The following ATP2A1 variants were observed in gnomAD, a reference collection of about 807,000 sequenced individuals.
ATP2A1 encodes the protein ATPase sarcoplasmic/endoplasmic reticulum Ca2+ transporting 1.
A neutral mutation model predicts 109.5 loss-of-function variants in ATP2A1; 83 were observed. That is an observed-to-expected ratio of 0.76 (90% CI 0.63 to 0.91). ATP2A1 has a LOEUF of 0.91. Among genes scored for constraint, ATP2A1 ranks in the 40% least tolerant of loss-of-function variants. ATP2A1 has a pLI of 0.00. For synonymous variants in ATP2A1, 505 were observed against 537.6 expected (o/e 0.94, Z 0.84); for missense variants, 1,101 against 1,341.0 (o/e 0.82, Z 2.80).
chr16:28,904,147 C>T (rs1372617886), intron 22 of ATP2A1, 33 bp from the exon 23 acceptor site: 9 of 1,586,480 alleles, frequency 5.7e-6, no homozygotes, highest in African/African-American at 1.4e-5. Flanking sequence ...GCCCTCCTGC[C>T]GCCTGCCTCA....
rs958773555 is a variant in ATP2A1, at chr16:28,883,455, G to A, written c.463+866G>A. ...GCTTGGGTGACAGGGTGTCCCGCCC[G>A]ACTCTATCCCGACCTCCCTCCTCCC... On this transcript the variant is annotated intron_variant, in intron 5 of 22. Transcript: ENST00000395503. This position sits in a 1 kb window ranked among gnomAD's most constrained non-coding sequence, Gnocchi z 5.2. Among the ~76,000 whole-genome samples the A allele has an allele frequency of 1.3e-5, 2 of 152,044 alleles. No individual in the cohort carries two copies. The highest frequency in any genetic ancestry group is 2.4e-5 in the African/African-American group (1 of 41,386).
Position 28,900,626 on chromosome 16 carries a change from C to A in ATP2A1, c.1810C>A (p.Arg604Ser). 6.3e-7 allele frequency: 1 copy of A among 1,594,258 alleles called. No individual in the cohort carries two copies. Among genetic ancestry groups the A allele is most frequent in the Non-Finnish European group, 8.6e-7 (1 of 1,167,734 alleles). Residue 604 changes from arginine (R) to serine (S), a missense_variant, in exon 15 of 23, where the codon CGC (arginine) becomes AGC (serine). Transcript: ENST00000395503. ...VGVVGMLDPP[R>S]KEVTGSIQLC... ...TGTAGTGGGCATGCTGGACCCTCCG[C>A]GCAAGGAGGTCACGGGCTCCATCCA...
chr16:28,892,283 C>T (rs1174926892), intron 9 of ATP2A1: 1 of 249,454 alleles, frequency 4.0e-6, no homozygotes, highest in Non-Finnish European at 8.5e-6. Flanking sequence ...TCGTTTTTTT[C>T]TTGGCTATCT....
chr16:28,879,060 C>A, intron 1 of ATP2A1, 39 bp from the exon 2 acceptor site: 2 of 1,613,980 alleles, frequency 1.2e-6, no homozygotes, highest in Non-Finnish European at 1.7e-6. Flanking sequence ...GAGGCTGAAC[C>A]CCAAATGAAT....
intron 14 of ATP2A1, among the ~76,000 whole-genome samples, chr16:28,899,713 C>G (rs1223416053): frequency 7.3e-6 from 1 of 136,584 alleles, no homozygotes; most frequent in Non-Finnish European, 1.5e-5. Context: ...ATAATGCCAG[C>G]ACTTTGGGAG....
intron 12 of ATP2A1, among the ~76,000 whole-genome samples, chr16:28,897,204 A>G (rs1419950566): frequency 6.6e-6 from 1 of 152,206 alleles, no homozygotes; most frequent in Non-Finnish European, 1.5e-5. Flanking sequence ...ATCATTACTA[A>G]AAGTTATAGG....
chr16:28,881,340 G>A (rs986630988), intron 4 of ATP2A1: 13 of 427,074 alleles, frequency 3.0e-5, no homozygotes, highest in South Asian at 2.3e-4. Flanking sequence ...TTCAATAGAC[G>A]CTAGCTTGAT....
chr16:28,896,663 G>A (rs1247807035), intron 12 of ATP2A1, among the ~76,000 whole-genome samples: 4 of 151,206 alleles, frequency 2.6e-5, no homozygotes, highest in African/African-American at 4.9e-5. Context: ...TGCCTGCCTC[G>A]GCCTCCCAAA....
rs771588122 is a variant in ATP2A1 at position 28,903,375 on chromosome 16, A to G, written c.2915A>G (p.Lys972Arg). 1.2e-6 allele frequency: 2 copies of G among 1,613,878 alleles called. No individual in the cohort carries two copies. Among genetic ancestry groups the G allele is most frequent in the East Asian group, 2.2e-5 (1 of 44,870 alleles). The change falls in exon 21 of 23, where the codon AAG (lysine) becomes AGG (arginine). Residue 972 changes from lysine to arginine, a missense_variant. Lys to Arg is a conservative substitution (Grantham distance 26, BLOSUM62 2). Coordinates refer to ENST00000395503, the MANE Select transcript of ATP2A1 (RefSeq NM_004320.6). This position sits in a 1 kb window ranked among gnomAD's most constrained non-coding sequence, Gnocchi z 5.6. Reference protein sequence around the residue: ...LDLTQWLMVLKISLPVIGLDE... With the variant: ...LDLTQWLMVLRISLPVIGLDE... ...CTCACCCAGTGGCTCATGGTCCTCA[A>G]GATCTCACTGCCAGTCATTGGGCTC...
At position 28,895,073 on chromosome 16, in the gene ATP2A1, C is replaced by G; in HGVS notation, c.1419+120C>G. On this transcript the variant is annotated intron_variant, in intron 12 of 22. Coordinates refer to ENST00000395503, the MANE Select transcript of ATP2A1 (RefSeq NM_004320.6). ...CTGTGCTGGGACCCCACCCAGGCAGCAGACAGCCCCTGCAGCTTCTCCACA... is the reference window on the plus strand; with the variant it reads ...CTGTGCTGGGACCCCACCCAGGCAGGAGACAGCCCCTGCAGCTTCTCCACA... 2.1e-6 allele frequency: 3 copies of G among 1,423,334 alleles called. No homozygotes were observed. In the East Asian group the frequency reaches 7.0e-5, roughly 33 times the overall value. 88.2% of individuals were successfully genotyped at this position (1,423,334 alleles called of 1,614,324 possible).
chr16:28,882,527 G>T lies in ATP2A1; in HGVS notation c.401G>T (p.Arg134Leu). Residue 134 changes from arginine to leucine, a missense_variant, in exon 5 of 23, where the codon CGC becomes CTC. Coordinates refer to ENST00000395503, the MANE Select transcript of ATP2A1 (RefSeq NM_004320.6). Reference sequence around the variant, plus strand: ...ATGGGGAAGGTCTACCGGGCTGACCGCAAGTCAGTGCAAAGGATCAAGGCT... The same window carrying T: ...ATGGGGAAGGTCTACCGGGCTGACCTCAAGTCAGTGCAAAGGATCAAGGCT... ...PEMGKVYRAD[R>L]KSVQRIKARD... 4 of 1,614,212 alleles carry T rather than the reference G, an allele frequency of 2.5e-6. No homozygotes were observed. Among genetic ancestry groups the T allele is most frequent in the Non-Finnish European group, 3.4e-6 (4 of 1,180,024 alleles).
At chr16:28,879,317 GCC>G in intron 2 of ATP2A1, 182 bp from the exon 3 acceptor site, 1 of 838,642 alleles carries the variant, frequency 1.2e-6, no homozygotes, top group South Asian at 1.5e-5. Context: ...CCCTTGAACT[GCC>G]CCCCACTTTG....
Position 28,879,600 on chromosome 16 carries a change from CTCTGGGGGCTG to C in ATP2A1, c.219+18_219+28del. 1 of 1,613,230 alleles carries C rather than the reference CTCTGGGGGCTG, an allele frequency of 6.2e-7. No homozygotes were observed. Among genetic ancestry groups the C allele is most frequent in the Non-Finnish European group, 8.5e-7 (1 of 1,179,394 alleles). On this transcript the variant is annotated intron_variant, in intron 3 of 22. Transcript: ENST00000395503. Reference sequence around the variant, plus strand: ...ATTTCCTTCGTAAGTGTGGGAGGGTCTCTGGGGGCTGGCTGGGGGTGTGAGGCTGGGATCGG... The same window carrying C: ...ATTTCCTTCGTAAGTGTGGGAGGGTCGCTGGGGGTGTGAGGCTGGGATCGG...
chr16:28,894,208 C>T lies in ATP2A1; in HGVS notation c.1149C>T (p.Ser383=), dbSNP rs775955155. The T allele has an allele frequency of 1.2e-6, 2 of 1,614,020 alleles. No individual in the cohort carries two copies. Among genetic ancestry groups the T allele is most frequent in the Non-Finnish European group, 1.7e-6 (2 of 1,179,986 alleles). ...ACATCTGCCTCCTGAATGAGTTCTC[C>T]ATCACCGGCTCCACTTACGCTCCAG... The part of the protein sequence containing the change: ...DGDICLLNEF[S]ITGSTYAPEG... Residue 383 remains serine (S), a synonymous_variant, in exon 10 of 23, where the codon TCC becomes TCT. Transcript: ENST00000395503.
Position 28,902,920 on chromosome 16 carries a change from C to G in ATP2A1, c.2744+9C>G, listed in dbSNP as rs756462008. The stretch of plus-strand genomic sequence containing the variant: ...TGCAATGCACTGAACAGGTGGGGGC[C>G]CCCCAGCTACACCCACCACCCTCCC... On this transcript the variant is annotated intron_variant, in intron 19 of 22. Transcript: ENST00000395503. This position sits in a 1 kb window ranked among gnomAD's most constrained non-coding sequence, Gnocchi z 4.8. 12 of 1,613,696 alleles carry G rather than the reference C, an allele frequency of 7.4e-6. No homozygotes were observed. The South Asian group carries it at 1.3e-4, about 18-fold the overall frequency.
intron 1 of ATP2A1, 58 bp downstream of exon 1, chr16:28,878,847 C>A: frequency 6.5e-7 from 1 of 1,539,840 alleles, no homozygotes; most frequent in Non-Finnish European, 9.0e-7. Context: ...CCCCAAAACA[C>A]ACGCACACGC....
chr16:28,886,380 G>A (rs183442261), intron 6 of ATP2A1, among the ~76,000 whole-genome samples: 3 of 152,198 alleles, frequency 2.0e-5, no homozygotes, highest in Admixed American at 6.5e-5. Context: ...CTGGCAGGGA[G>A]AAGCGAAGAA....
rs1963974255 is a variant in ATP2A1, at chr16:28,898,330, TGATCAAGGA to T, written c.1645_1653del (p.Ile549_Glu551del). On this transcript the variant is annotated inframe_deletion, in exon 14 of 23. Transcript: ENST00000395503. This position sits in a 1 kb window ranked among gnomAD's most constrained non-coding sequence, Gnocchi z 4.0. ...CCGGTGAAGGAAAAGATCATGGCGG[TGATCAAGGA>T]GTGGGGCACTGGCCGGGACACCCTG... 1 of 1,614,106 alleles carries T rather than the reference TGATCAAGGA, an allele frequency of 6.2e-7. No homozygotes were observed. The highest frequency in any genetic ancestry group is 2.2e-5 in the East Asian group (1 of 44,876).
chr16:28,895,050 G>C (rs1596678770), intron 12 of ATP2A1, 97 bp downstream of exon 12: 5 of 1,556,950 alleles, frequency 3.2e-6, no homozygotes, highest in Non-Finnish European at 4.4e-6. Flanking sequence ...CCTAGTGCCT[G>C]TGCTGGGACC....
Sources: gnomAD v4.1 joint callset for allele counts (sites outside exome capture counted in the v4.1 genomes callset) on GRCh38, gnomAD v4.1.1 for gene constraint, Gnocchi (gnomAD v3.1) non-coding constraint, MANE v1.5 for transcripts, NCBI Gene and HGNC (gene_info 2026-07-23, HGNC 2026-07-21) for gene names.